RCL1: variants seen among roughly 807,000 people sequenced by gnomAD.
The protein encoded by RCL1 is RNA terminal phosphate cyclase like 1, also known as RNA 3'-terminal phosphate cyclase-like protein.
RCL1 carries 24 observed loss-of-function variants against 42.4 expected under a neutral mutation model. That is an observed-to-expected ratio of 0.57 (90% CI 0.41 to 0.80). RCL1 has a LOEUF of 0.80. Among genes scored for constraint, RCL1 ranks in the 30% least tolerant of loss-of-function variants. The pLI is 0.00. For synonymous variants in RCL1, 228 were observed against 177.3 expected, an observed-to-expected ratio of 1.29 and a Z score of -2.27; for missense variants, 578 against 467.9, an observed-to-expected ratio of 1.24 and a Z score of -2.17.
intron 8 of RCL1, among the ~76,000 whole-genome samples, chr9:4,857,771 C>A (rs533317178): frequency 3.3e-5 from 5 of 152,098 alleles, no homozygotes; most frequent in Admixed American, 1.3e-4. Context: ...CTCACCCACA[C>A]TTTTGTTATT....
chr9:4,802,283 T>G (rs985328101), intron 1 of RCL1, among the ~76,000 whole-genome samples: 1 of 152,102 alleles, frequency 6.6e-6, no homozygotes, highest in African/African-American at 2.4e-5. Flanking sequence ...TGAAGTTGGT[T>G]AGACTGATTC....
chr9:4,824,822 C>T (rs1446229121), intron 2 of RCL1, among the ~76,000 whole-genome samples: 1 of 152,136 alleles, frequency 6.6e-6, no homozygotes, highest in African/African-American at 2.4e-5. Flanking sequence ...GCTATGAGTC[C>T]CTTAATTTCC....
intron 8 of RCL1, among the ~76,000 whole-genome samples, chr9:4,851,754 T>A (rs947232612): frequency 1.0e-4 from 15 of 150,292 alleles, no homozygotes; most frequent in African/African-American, 3.7e-4. Flanking sequence ...AAAAAAGCAT[T>A]TCTTCAAGCA....
chr9:4,824,374 ATTTTTTT>A (rs71326141), intron 2 of RCL1, among the ~76,000 whole-genome samples: 6 of 120,298 alleles, frequency 5.0e-5, no homozygotes, highest in South Asian at 2.7e-4. Context: ...TTCAGCCAGC[ATTTTTTT>A]TTTTTTTTTT....
At chr9:4,827,088 C>T (rs1239667287) in intron 3 of RCL1, 55 bp downstream of exon 3, 1 of 1,610,750 alleles carries the variant, frequency 6.2e-7, no homozygotes, top group Non-Finnish European at 8.5e-7. Flanking sequence ...TTGTCACAAC[C>T]CAACTTGTGA....
At chr9:4,852,102 C>T (rs1348510739) in intron 8 of RCL1, among the ~76,000 whole-genome samples, 1 of 152,072 alleles carries the variant, frequency 6.6e-6, no homozygotes, top group Non-Finnish European at 1.5e-5. Flanking sequence ...AGGATGGTCT[C>T]GATCTCCTGA....
At chr9:4,828,594 T>C (rs561373701) in intron 3 of RCL1, among the ~76,000 whole-genome samples, 19 of 152,094 alleles carry the variant, frequency 1.2e-4, no homozygotes, top group South Asian at 4.2e-4. Context: ...ATGAGTTCTT[T>C]GGATAAAAGA....
rs771317849 is a variant in RCL1, at chr9:4,826,724, C to T, written c.209-134C>T. 4.2e-5 allele frequency: 31 copies of T among 743,260 alleles called. No homozygotes were observed. The South Asian group carries it at 4.8e-4, about 11-fold the overall frequency. The allele number at this position is 743,260 out of a possible 1,614,324, so 46.0% of individuals were successfully genotyped here. On this transcript the variant is annotated intron_variant, in intron 2 of 8. Transcript: ENST00000381750. ...CAGCTTTTGGAGCGAAGTGTGGGCT[C>T]TTAGCAAGATGGCATTTCGAGCACT...
At chr9:4,807,229 C>T (rs1347954231) in intron 1 of RCL1, among the ~76,000 whole-genome samples, 1 of 152,146 alleles carries the variant, frequency 6.6e-6, no homozygotes, top group East Asian at 1.9e-4. Flanking sequence ...CTGTGTTTCT[C>T]TGATTTTTCT....
intron 1 of RCL1, among the ~76,000 whole-genome samples, chr9:4,818,664 C>T (rs1256093944): frequency 6.6e-6 from 1 of 152,000 alleles, no homozygotes; most frequent in Non-Finnish European, 1.5e-5. Flanking sequence ...AGGCGGATCA[C>T]GAGGTCAGGA....
At chr9:4,795,134 G>A (rs1348491997) in intron 1 of RCL1, among the ~76,000 whole-genome samples, 2 of 151,926 alleles carry the variant, frequency 1.3e-5, no homozygotes, top group Admixed American at 1.3e-4. Context: ...CTGGAGTGCC[G>A]TGGTGCGATC....
At chr9:4,800,879 C>G (rs1842989523) in intron 1 of RCL1, among the ~76,000 whole-genome samples, 1 of 151,998 alleles carries the variant, frequency 6.6e-6, no homozygotes, top group African/African-American at 2.4e-5. Context: ...GTCTCCAACT[C>G]CTGACCTCAA....
chr9:4,849,628 C>T, intron 8 of RCL1, 78 bp downstream of exon 8: 2 of 1,049,826 alleles, frequency 1.9e-6, no homozygotes, highest in Non-Finnish European at 2.9e-6. Flanking sequence ...GGGTGTTGTG[C>T]TGCACAGAGC....
chr9:4,808,607 G>GT (rs1816062954), intron 1 of RCL1, among the ~76,000 whole-genome samples: 1 of 152,094 alleles, frequency 6.6e-6, no homozygotes, highest in African/African-American at 2.4e-5. Flanking sequence ...CTGTCTAGTA[G>GT]TTTTTTAGGG....
At chr9:4,818,706 C>G (rs409704) in intron 1 of RCL1, among the ~76,000 whole-genome samples, 61,444 of 151,726 alleles carry the variant, frequency 0.4, 13,202 homozygotes, top group South Asian at 0.49. Flanking sequence ...CATGGTGAAA[C>G]CCTGTCTCTA....
chr9:4,856,924 C>G (rs1817981320), intron 8 of RCL1, among the ~76,000 whole-genome samples: 1 of 152,118 alleles, frequency 6.6e-6, no homozygotes, highest in South Asian at 2.1e-4. Flanking sequence ...TGTTTCCTTC[C>G]TTTAACTAGA....
At position 4,850,388 on chromosome 9, in the gene RCL1, A is replaced by C. The variant is rs745859453; in HGVS notation, c.971+838A>C. ...GAAGAATGGTGGTGCCATCACATTG[A>C]GAAAGGGTTGAGGACTGCGGTGGGG... On this transcript the variant is annotated intron_variant, in intron 8 of 8. Transcript: ENST00000381750. The C allele has an allele frequency of 1.5e-5, 8 of 528,836 alleles. No individual in the cohort carries two copies. In the East Asian group the frequency reaches 4.4e-4, roughly 29 times the overall value. The allele number at this position is 528,836 out of a possible 1,614,324, so 32.8% of individuals were successfully genotyped here. A position where few individuals can be genotyped will look rare whatever the true frequency, so the allele number is the denominator to read the frequency against.
At chr9:4,834,069 T>C in intron 4 of RCL1, 72 bp from the exon 5 acceptor site, 1 of 1,541,304 alleles carries the variant, frequency 6.5e-7, no homozygotes, top group Non-Finnish European at 8.8e-7. Context: ...GTGTAAACCT[T>C]CCTGGGCAGG....
chr9:4,849,190 T>C (rs1817627112), intron 7 of RCL1, among the ~76,000 whole-genome samples: 1 of 151,820 alleles, frequency 6.6e-6, no homozygotes, highest in Admixed American at 6.6e-5. Context: ...TTTTACTAGA[T>C]TCACTTAAGA....
Sources: allele counts gnomAD v4.1 joint callset (sites outside exome capture counted in the v4.1 genomes callset), GRCh38; gene constraint gnomAD v4.1.1; transcripts MANE v1.5; gene names NCBI Gene and HGNC (gene_info 2026-07-23, HGNC 2026-07-21).